MTNAP1: variants seen among roughly 807,000 people sequenced by gnomAD.
MTNAP1 encodes mitochondrial nucleoid associated protein 1.
the MTNAP1 span, chr17:73,242,938 G>A: frequency 2.5e-6 from 4 of 1,613,888 alleles, no homozygotes; most frequent in African/African-American, 5.3e-5. Context: ...AGTGGATTCG[G>A]TGGCATCACG....
chr17:73,235,744 C>T, the MTNAP1 span: 12 of 1,614,168 alleles, frequency 7.4e-6, no homozygotes, highest in Non-Finnish European at 9.3e-6. Flanking sequence ...CAAACCAGAA[C>T]AGACAGTGAA....
chr17:73,243,459 C>T, the MTNAP1 span, among the ~76,000 whole-genome samples: 130,732 of 152,046 alleles, frequency 0.86, 56,518 homozygotes, highest in Non-Finnish European at 0.9. Flanking sequence ...TGGCAGGCTC[C>T]GGGGTTTTAT....
chr17:73,245,270 T>G, the MTNAP1 span: 132 of 1,544,798 alleles, frequency 8.5e-5, no homozygotes, highest in African/African-American at 1.7e-3. Context: ...ACTTAACAGT[T>G]TAAAAATGTA....
the MTNAP1 span, among the ~76,000 whole-genome samples, chr17:73,239,752 C>G: frequency 3.3e-5 from 5 of 152,016 alleles, no homozygotes; most frequent in Non-Finnish European, 7.4e-5. Flanking sequence ...AACTCCTGAC[C>G]TCAGGTGATC....
the MTNAP1 span, chr17:73,247,563 A>G: frequency 6.1e-6 from 3 of 491,982 alleles, no homozygotes; most frequent in East Asian, 1.0e-4. Flanking sequence ...GGTTTAACTT[A>G]GTCACAGTAA....
the MTNAP1 span, among the ~76,000 whole-genome samples, chr17:73,243,652 C>T: frequency 6.6e-6 from 1 of 151,848 alleles, no homozygotes; most frequent in Non-Finnish European, 1.5e-5. Context: ...CCTCAGCCTC[C>T]TGAGTAGCTG....
the MTNAP1 span, among the ~76,000 whole-genome samples, chr17:73,246,139 G>C: frequency 6.6e-6 from 1 of 152,170 alleles, no homozygotes; most frequent in Non-Finnish European, 1.5e-5. Context: ...TAGAGGGTTA[G>C]TTATATATCA....
chr17:73,239,909 C>T, the MTNAP1 span, among the ~76,000 whole-genome samples: 12 of 152,202 alleles, frequency 7.9e-5, no homozygotes, highest in Admixed American at 4.6e-4. Context: ...ACTCTACTAA[C>T]TATTCCAAAC....
At chr17:73,236,716 T>C in the MTNAP1 span, 2 of 1,614,158 alleles carry the variant, frequency 1.2e-6, no homozygotes, top group Non-Finnish European at 1.7e-6. Flanking sequence ...GGGACAGTTA[T>C]CTCTGGAGCC....
the MTNAP1 span, chr17:73,235,603 G>GT: frequency 1.2e-6 from 2 of 1,614,014 alleles, no homozygotes; most frequent in African/African-American, 2.7e-5. Flanking sequence ...TGATCAAAAA[G>GT]TTTATCAGTC....
chr17:73,236,635 C>T, the MTNAP1 span: 1 of 1,614,128 alleles, frequency 6.2e-7, no homozygotes, highest in Non-Finnish European at 8.5e-7. Context: ...AACATTTCTT[C>T]AAGAAAAGAA....
chr17:73,245,790 A>G, the MTNAP1 span: 1 of 832,706 alleles, frequency 1.2e-6, no homozygotes, highest in Non-Finnish European at 1.4e-6. Flanking sequence ...CACACTAACT[A>G]TAATGTTAAA....
the MTNAP1 span, chr17:73,248,312 G>A: frequency 1.8e-5 from 11 of 606,140 alleles, no homozygotes; most frequent in East Asian, 2.8e-5. Context: ...GGTGTGAGGC[G>A]GGGTAACTAC....
chr17:73,242,951 G>A, the MTNAP1 span: 1 of 1,613,954 alleles, frequency 6.2e-7, no homozygotes. Flanking sequence ...GCATCACGAT[G>A]CTCTTCACAG....
the MTNAP1 span, chr17:73,237,035 A>G: frequency 2.7e-6 from 4 of 1,491,558 alleles, no homozygotes; most frequent in African/African-American, 4.2e-5. Context: ...GTCCCATCCA[A>G]AATGCTCTCT....
chr17:73,248,667 TTC>T, the MTNAP1 span: 4 of 909,800 alleles, frequency 4.4e-6, no homozygotes, highest in African/African-American at 3.3e-5. Flanking sequence ...TATTTGAAGG[TTC>T]TGTTACTACA....
the MTNAP1 span, chr17:73,236,020 CCTT>C: frequency 6.2e-7 from 1 of 1,614,018 alleles, no homozygotes; most frequent in Non-Finnish European, 8.5e-7. Flanking sequence ...CTCAATAGAA[CCTT>C]CTTTGTCAAA....
At chr17:73,233,920 T>A in the MTNAP1 span, among the ~76,000 whole-genome samples, 1 of 152,058 alleles carries the variant, frequency 6.6e-6, no homozygotes, top group African/African-American at 2.4e-5. Flanking sequence ...ATTACTGTAA[T>A]CTGTTGGCAG....
the MTNAP1 span, chr17:73,242,424 TAAGC>T: frequency 1.0e-6 from 1 of 995,388 alleles, no homozygotes; most frequent in South Asian, 1.7e-5. Context: ...TTCGGGCTGT[TAAGC>T]AAGGCTAAAG....
Sources: allele counts gnomAD v4.1 joint callset (sites outside exome capture counted in the v4.1 genomes callset), GRCh38; gene constraint gnomAD v4.1.1; transcripts MANE v1.5; gene names NCBI Gene and HGNC (gene_info 2026-07-23, HGNC 2026-07-21).